The following PLXNB2 variants were observed in gnomAD, a reference collection of about 807,000 sequenced individuals.
The protein encoded by PLXNB2 is plexin B2.
A neutral mutation model predicts 202.6 loss-of-function variants in PLXNB2; 85 were observed. The observed-to-expected ratio is 0.42, with a 90% CI of 0.35 to 0.50. The LOEUF is 0.50. Ranked by LOEUF, PLXNB2 falls within the 20% of genes least tolerant of loss-of-function variation. The pLI is 0.02. For missense variants in PLXNB2, 2,063 were observed against 2,586.2 expected (o/e 0.80, Z 4.39); for synonymous variants, 1,239 against 1,137.6 (o/e 1.09, Z -1.79).
chr22:50,296,201 C>CAT (rs2067250071), intron 1 of PLXNB2, among the ~76,000 whole-genome samples: 1 of 147,888 alleles, frequency 6.8e-6, no homozygotes, highest in African/African-American at 2.6e-5. Flanking sequence ...AATACACACA[C>CAT]ACACACACAC....
chr22:50,305,993 C>A (rs1569187517), intron 1 of PLXNB2, among the ~76,000 whole-genome samples: 1 of 152,204 alleles, frequency 6.6e-6, no homozygotes. Flanking sequence ...AGTGGCAGAG[C>A]TGCCCGGACT....
At position 50,282,677 on chromosome 22, in the gene PLXNB2, G is replaced by C. The variant is rs1355622200; in HGVS notation, c.2987+34C>G. The C allele has an allele frequency of 3.3e-6, 5 of 1,493,194 alleles. No homozygotes were observed. The East Asian group carries it at 1.2e-4, about 35-fold the overall frequency. The allele number at this position is 1,493,194 out of a possible 1,614,324, so 92.5% of individuals were successfully genotyped here. A position where few individuals can be genotyped will look rare whatever the true frequency, so the allele number is the denominator to read the frequency against. ...GCACTGAGGAGGCAGCTGGGTGTGG[G>C]GAGCAGAGGGGGGCGGGGGGACACC... On this transcript the variant is annotated intron_variant, in intron 18 of 36. Coordinates refer to ENST00000359337, the MANE Select transcript of PLXNB2 (RefSeq NM_012401.4).
intron 19 of PLXNB2, 40 bp from the exon 20 acceptor site, chr22:50,282,121 C>A: frequency 1.2e-6 from 2 of 1,604,140 alleles, no homozygotes; most frequent in Non-Finnish European, 1.7e-6. Flanking sequence ...GGGCGCAGAC[C>A]CCGCCCTTCC....
chr22:50,277,992 C>G lies in PLXNB2; in HGVS notation c.4909G>C (p.Asp1637His), dbSNP rs1401533379. 6.2e-7 allele frequency: 1 copy of G among 1,612,870 alleles called. No individual in the cohort carries two copies. The highest frequency in any genetic ancestry group is 8.5e-7 in the Non-Finnish European group (1 of 1,179,832). ...GCCAGCACGCTCTGGAAGAAGTTGT[C>G]CACAAACTGCTGCAGTGTGCCCTGT... is the stretch of plus-strand genomic sequence containing the variant. ...SVKGTLQQFVDNFFQSVLAPG... is the reference protein window; with the variant it reads ...SVKGTLQQFVHNFFQSVLAPG... Residue 1637 changes from aspartate (D) to histidine (H), a missense_variant, in exon 32 of 37, where the codon GAC becomes CAC. This residue lies in a region of PLXNB2 where 760 missense variants were observed against 1,109.4 expected (regional missense o/e 0.69). Transcript: ENST00000359337.
At chr22:50,287,618 C>T in intron 7 of PLXNB2, 49 bp downstream of exon 7, 1 of 1,500,574 alleles carries the variant, frequency 6.7e-7, no homozygotes, top group Non-Finnish European at 8.9e-7. Context: ...GGAGCCCCCA[C>T]CTGGCCCGGC....
At chr22:50,279,565 G>A in intron 27 of PLXNB2, 65 bp downstream of exon 27, 1 of 1,514,504 alleles carries the variant, frequency 6.6e-7, no homozygotes, top group South Asian at 1.2e-5. Flanking sequence ...CTGTGGCCAG[G>A]GGATGCCCAA....
chr22:50,280,125 C>T, intron 25 of PLXNB2, 54 bp from the exon 26 acceptor site: 1 of 1,414,872 alleles, frequency 7.1e-7, no homozygotes, highest in Non-Finnish European at 9.7e-7. Flanking sequence ...TCCTGAGGCC[C>T]AACTGACTCC....
At chr22:50,296,863 T>C (rs148869426) in intron 1 of PLXNB2, among the ~76,000 whole-genome samples, 2 of 151,998 alleles carry the variant, frequency 1.3e-5, no homozygotes, top group African/African-American at 2.4e-5. Context: ...GGGTTGGACA[T>C]GCAGTGACAC....
At position 50,284,928 on chromosome 22, in the gene PLXNB2, C is replaced by T. The variant is rs942267413; in HGVS notation, c.2089-263G>A. ...CTCATCCACACCTGAGAACATCGCC[C>T]GGCCCACCTGACATCGTGGCCCCCA... On this transcript the variant is annotated intron_variant, in intron 11 of 36. Coordinates refer to ENST00000359337, the MANE Select transcript of PLXNB2 (RefSeq NM_012401.4). This position sits in a 1 kb window ranked among gnomAD's most constrained non-coding sequence, Gnocchi z 8.0. The T allele has an allele frequency of 1.0e-5, 6 of 601,230 alleles. No individual in the cohort carries two copies. Among genetic ancestry groups the T allele is most frequent in the Non-Finnish European group, 1.9e-5 (6 of 311,486 alleles). 37.2% of individuals were successfully genotyped at this position (601,230 alleles called of 1,614,324 possible).
rs923565565 is a variant in PLXNB2 at position 50,283,080 on chromosome 22, C to A, written c.2786G>T (p.Arg929Leu). 2.5e-6 allele frequency: 4 copies of A among 1,609,416 alleles called. No homozygotes were observed. In the African/African-American group the frequency reaches 5.3e-5, roughly 21 times the overall value. The change falls in exon 17 of 37, where the codon CGG (arginine) becomes CTG (leucine). Residue 929 changes from arginine to leucine, a missense_variant. Physicochemically the swap from Arg to Leu is moderately radical, Grantham distance 102 (BLOSUM62 -2). Around this residue, in one of 2 missense-constraint regions of PLXNB2, gnomAD observed 1,303 missense variants for 1,476.8 expected, o/e 0.88. Transcript: ENST00000359337. ...ACACGGGACGCCGTTGAGGGTCACC[C>A]GCACGTCCTCCTGGGAGCCCGTGTC... The part of the protein sequence containing the change: ...HLDTGSQEDV[R>L]VTLNGVPCKV...
rs138317891 is a variant in PLXNB2, at chr22:50,294,657, C to A, written c.-14+62G>T. 3.5e-4 allele frequency: 258 copies of A among 745,426 alleles called. No individual in the cohort carries two copies. The African/African-American group carries it at 4.4e-3, about 13-fold the overall frequency. The allele number at this position is 745,426 out of a possible 1,614,324, so 46.2% of individuals were successfully genotyped here. A position where few individuals can be genotyped will look rare whatever the true frequency, so the allele number is the denominator to read the frequency against. Reference sequence around the variant, plus strand: ...GACACCACATGGCAGTTCTAGATACCTCCGGCCTCCCTGTCCACATAGCCC... The same window carrying A: ...GACACCACATGGCAGTTCTAGATACATCCGGCCTCCCTGTCCACATAGCCC... On this transcript the variant is annotated intron_variant, in intron 2 of 36. Transcript: ENST00000359337.
intron 25 of PLXNB2, 35 bp downstream of exon 25, chr22:50,280,454 C>T: frequency 6.4e-7 from 1 of 1,567,894 alleles, no homozygotes; most frequent in Non-Finnish European, 8.6e-7. Flanking sequence ...GGCCGCCCCG[C>T]CCGTGGCCCC....
chr22:50,305,642 G>A (rs771024853), intron 1 of PLXNB2, among the ~76,000 whole-genome samples: 6 of 152,160 alleles, frequency 3.9e-5, no homozygotes, highest in Non-Finnish European at 7.4e-5. Context: ...GGCCCCCTGA[G>A]GGAAACCCCA....
chr22:50,289,876 T>C lies in PLXNB2; in HGVS notation c.709A>G (p.Lys237Glu), dbSNP rs2066747172. Residue 237 changes from lysine to glutamate, a missense_variant, in exon 3 of 37, where the codon AAG becomes GAG. Physicochemically the swap from Lys to Glu is moderately conservative, Grantham distance 56. Coordinates refer to ENST00000359337, the MANE Select transcript of PLXNB2 (RefSeq NM_012401.4). This position sits in a 1 kb window ranked among gnomAD's most constrained non-coding sequence, Gnocchi z 8.0. The stretch of plus-strand genomic sequence containing the variant: ...AGCGTGCGGTTCCGGGCCGGGTGCT[T>C]GTCCTGCTGGTTGAAGACAAAGAAG... ...YVFFVFNQQD[K>E]HPARNRTLLA... The C allele has an allele frequency of 6.2e-7, 1 of 1,613,138 alleles. No individual in the cohort carries two copies. Among genetic ancestry groups the C allele is most frequent in the Non-Finnish European group, 8.5e-7 (1 of 1,180,038 alleles).
At position 50,279,795 on chromosome 22, in the gene PLXNB2, G is replaced by A. The variant is rs2065860489; in HGVS notation, c.4243-19C>T. 6.2e-7 allele frequency: 1 copy of A among 1,613,470 alleles called. No individual in the cohort carries two copies. The highest frequency in any genetic ancestry group is 8.5e-7 in the Non-Finnish European group (1 of 1,179,804). On this transcript the variant is annotated intron_variant, in intron 26 of 36. Transcript: ENST00000359337. ...CACTGTCCTGGAGTAACACGGAGGG[G>A]AGGCTGGGAGGTCAGGGGACTTGGG...
chr22:50,296,895 G>A (rs2067317193), intron 1 of PLXNB2, among the ~76,000 whole-genome samples: 1 of 152,196 alleles, frequency 6.6e-6, no homozygotes, highest in Non-Finnish European at 1.5e-5. Context: ...CGGCGGGAAG[G>A]GAGGTGAGCT....
chr22:50,287,812 G>T lies in PLXNB2; in HGVS notation c.1482-19C>A, dbSNP rs752545274. ...GGTGCATCTGCAGGCGCAGGGGGCG[G>T]CCTCAGCCCAGGGTGGAGTCTTGTT... is the stretch of plus-strand genomic sequence containing the variant. On this transcript the variant is annotated intron_variant, in intron 6 of 36. Transcript: ENST00000359337. 1 of 1,595,726 alleles carries T rather than the reference G, an allele frequency of 6.3e-7. No individual in the cohort carries two copies.
At chr22:50,278,732 AC>A in intron 28 of PLXNB2, 36 bp from the exon 29 acceptor site, 1 of 1,591,826 alleles carries the variant, frequency 6.3e-7, no homozygotes, top group Non-Finnish European at 8.6e-7. Context: ...GGCCCCAGCC[AC>A]CCAGGTTCCT....
At chr22:50,286,740 C>T (rs1021860238) in intron 8 of PLXNB2, among the ~76,000 whole-genome samples, 2 of 152,210 alleles carry the variant, frequency 1.3e-5, no homozygotes, top group Non-Finnish European at 2.9e-5. Context: ...CGAGGCCCTG[C>T]AGCCTCTGGG....
Sources: allele counts gnomAD v4.1 joint callset (sites outside exome capture counted in the v4.1 genomes callset), GRCh38; gene constraint gnomAD v4.1.1; regional missense constraint gnomAD v4.1.1; non-coding constraint Gnocchi (gnomAD v3.1); transcripts MANE v1.5; gene names NCBI Gene and HGNC (gene_info 2026-07-23, HGNC 2026-07-21).